ZNF704: variants seen among roughly 807,000 people sequenced by gnomAD.
The protein encoded by ZNF704 is glucocorticoid induced gene 1.
ZNF704 carries 10 observed loss-of-function variants against 44.7 expected under a neutral mutation model. The observed-to-expected ratio is 0.22, with a 90% CI of 0.14 to 0.38. The LOEUF (loss-of-function observed/expected upper bound fraction) is 0.38, where lower values mean the gene tolerates loss of function less well. ZNF704 is among the 10% of genes least tolerant of loss of function. ZNF704 has a pLI of 1.00. For missense variants in ZNF704, 390 were observed against 545.5 expected (o/e 0.71, Z 2.84); for synonymous variants, 211 against 207.6 (o/e 1.02, Z -0.14).
chr8:80,730,561 A>C (rs1383853712), intron 2 of ZNF704, among the ~76,000 whole-genome samples: 3 of 150,570 alleles, frequency 2.0e-5, no homozygotes, highest in African/African-American at 7.4e-5. Flanking sequence ...AAAAAAAAAA[A>C]AAAAAAAGTT....
chr8:80,715,105 T>C (rs1819051646), intron 2 of ZNF704, among the ~76,000 whole-genome samples: 1 of 152,226 alleles, frequency 6.6e-6, no homozygotes, highest in African/African-American at 2.4e-5. Flanking sequence ...TGCATTCAGG[T>C]ACTGATATCT....
At chr8:80,792,031 A>G (rs1807717205) in intron 2 of ZNF704, among the ~76,000 whole-genome samples, 1 of 152,160 alleles carries the variant, frequency 6.6e-6, no homozygotes, top group South Asian at 2.1e-4. Flanking sequence ...TAGAAGACCA[A>G]AGGCACAGCC....
intron 1 of ZNF704, among the ~76,000 whole-genome samples, chr8:80,826,853 G>A (rs531057613): frequency 6.6e-6 from 1 of 152,176 alleles, no homozygotes; most frequent in Admixed American, 6.5e-5. Context: ...ATGCAGAAAA[G>A]GCCTTTAACA....
At chr8:80,663,633 T>A (rs574815084) in intron 6 of ZNF704, among the ~76,000 whole-genome samples, 1 of 152,300 alleles carries the variant, frequency 6.6e-6, no homozygotes, top group South Asian at 2.1e-4. Context: ...ACTACTCTAA[T>A]CTGAAATGCT....
intron 2 of ZNF704, among the ~76,000 whole-genome samples, chr8:80,700,265 C>T (rs138758590): frequency 5.9e-5 from 9 of 152,278 alleles, no homozygotes; most frequent in East Asian, 3.9e-4. Context: ...CCTTAACCCA[C>T]CACCCCCAGC....
intron 2 of ZNF704, among the ~76,000 whole-genome samples, chr8:80,707,172 A>G (rs564826861): frequency 2.0e-5 from 3 of 152,316 alleles, no homozygotes; most frequent in Admixed American, 1.3e-4. Flanking sequence ...CAGAGGCGCA[A>G]TGGGGTCTTT....
At chr8:80,806,556 A>G (rs138870432) in intron 2 of ZNF704, among the ~76,000 whole-genome samples, 1 of 152,184 alleles carries the variant, frequency 6.6e-6, no homozygotes, top group South Asian at 2.1e-4. Context: ...AGCAACAAAC[A>G]TATTTGAACA....
At position 80,661,160 on chromosome 8, in the gene ZNF704, A is replaced by G. The variant is rs559487540; in HGVS notation, c.928-1471T>C. 2.5e-3 allele frequency among the ~76,000 whole-genome samples: 384 copies of G among 152,342 alleles called. 3 individuals carry two copies. Among genetic ancestry groups the G allele is most frequent in the African/African-American group, 8.8e-3 (368 of 41,586 alleles). ...ACCTGAATAAAAATTTTTCAAAAGC[A>G]CACATACAAATGACCAATAGGTACA... On this transcript the variant is annotated intron_variant, in intron 6 of 8. Transcript: ENST00000327835.
Position 80,688,788 on chromosome 8 carries a change from G to A in ZNF704, c.326-1330C>T, listed in dbSNP as rs143209700. 5.9e-3 allele frequency among the ~76,000 whole-genome samples: 892 copies of A among 152,056 alleles called. 10 individuals carry two copies. The highest frequency in any genetic ancestry group is 0.021 in the African/African-American group (857 of 41,494). ...AGCCTGGCCTATATGGCGAAACCCC[G>A]TCTCTACTAAAAATACAAAAATTAG... On this transcript the variant is annotated intron_variant, in intron 3 of 8. Coordinates refer to ENST00000327835, the MANE Select transcript of ZNF704 (RefSeq NM_001033723.3).
upstream of ZNF704, among the ~76,000 whole-genome samples, chr8:80,878,746 A>G (rs1032564661): frequency 6.6e-6 from 1 of 152,360 alleles, no homozygotes; most frequent in Admixed American, 6.5e-5. Context: ...TGTTTCTTCC[A>G]TGAGCAATTA....
Position 80,638,083 on chromosome 8 carries a change from CT to C in ZNF704, c.*3282del, listed in dbSNP as rs777572211. On this transcript the variant is annotated 3_prime_UTR_variant, in exon 9 of 9. Transcript: ENST00000327835. Reference sequence around the variant, plus strand: ...TCCACAGCCCTCTTGTACCTCCCCCCTGACTCCCTTGCTACCTGTGTGTTTT... The same window carrying C: ...TCCACAGCCCTCTTGTACCTCCCCCCGACTCCCTTGCTACCTGTGTGTTTT... 2.0e-4 allele frequency: 30 copies of C among 152,586 alleles called. No homozygotes were observed. The highest frequency in any genetic ancestry group is 3.8e-4 in the Non-Finnish European group (26 of 68,238). The allele number at this position is 152,586 out of a possible 1,614,324, so 9.5% of individuals were successfully genotyped here. A position where few individuals can be genotyped will look rare whatever the true frequency, so the allele number is the denominator to read the frequency against.
chr8:80,854,546 T>C (rs1808925791), intron 1 of ZNF704, among the ~76,000 whole-genome samples: 1 of 152,218 alleles, frequency 6.6e-6, no homozygotes, highest in Non-Finnish European at 1.5e-5. Flanking sequence ...TAAGATGGGA[T>C]TTCTTTAAGT....
intron 2 of ZNF704, among the ~76,000 whole-genome samples, chr8:80,738,935 A>G (rs1806710154): frequency 6.6e-6 from 1 of 152,198 alleles, no homozygotes; most frequent in South Asian, 2.1e-4. Flanking sequence ...CTGAGATATG[A>G]CAGGGCTCAC....
intron 7 of ZNF704, 31 bp from the exon 8 acceptor site, chr8:80,643,160 G>A: frequency 2.6e-6 from 4 of 1,550,390 alleles, no homozygotes; most frequent in Non-Finnish European, 3.5e-6. Flanking sequence ...AAAGTTGATG[G>A]GGCAGGTTCT....
chr8:80,837,014 C>A (rs554422328), intron 1 of ZNF704, among the ~76,000 whole-genome samples: 4 of 152,006 alleles, frequency 2.6e-5, no homozygotes, highest in African/African-American at 9.6e-5. Context: ...ACAGCATGGG[C>A]ACTCTTGTAG....
chr8:80,706,616 G>A (rs538070092), intron 2 of ZNF704, among the ~76,000 whole-genome samples: 1 of 152,284 alleles, frequency 6.6e-6, no homozygotes, highest in Non-Finnish European at 1.5e-5. Flanking sequence ...ATCCTAGCTT[G>A]TGTGCCACAA....
rs1157077503 is a variant in ZNF704, at chr8:80,633,710, A to G, written c.*7656T>C. Reference sequence around the variant, plus strand: ...TATTCCTATTCTACACTGGGTTCTTACAAAGATCAAATGAAATAGTGTGTG... The same window carrying G: ...TATTCCTATTCTACACTGGGTTCTTGCAAAGATCAAATGAAATAGTGTGTG... On this transcript the variant is annotated 3_prime_UTR_variant, in exon 9 of 9. Transcript: ENST00000327835. 1 of 152,232 alleles carries G rather than the reference A, an allele frequency of 6.6e-6. No homozygotes were observed. Among genetic ancestry groups the G allele is most frequent in the Non-Finnish European group, 1.5e-5 (1 of 68,040 alleles). 9.4% of individuals were successfully genotyped at this position (152,232 alleles called of 1,614,324 possible).
chr8:80,666,360 A>T (rs1378291432), intron 5 of ZNF704, among the ~76,000 whole-genome samples: 11 of 151,856 alleles, frequency 7.2e-5, no homozygotes, highest in East Asian at 1.9e-4. Flanking sequence ...AATCCAGTCT[A>T]TCATTGTTGG....
chr8:80,707,863 C>T (rs141093085), intron 2 of ZNF704, among the ~76,000 whole-genome samples: 111 of 152,292 alleles, frequency 7.3e-4, no homozygotes, highest in African/African-American at 2.5e-3. Context: ...ACCTACCATG[C>T]ACAAAATATT....
Sources: allele counts gnomAD v4.1 joint callset (sites outside exome capture counted in the v4.1 genomes callset), GRCh38; gene constraint gnomAD v4.1.1; transcripts MANE v1.5; gene names NCBI Gene and HGNC (gene_info 2026-07-23, HGNC 2026-07-21).